The following XRCC4 variants were observed in gnomAD, a reference collection of about 807,000 sequenced individuals.
XRCC4 encodes DNA repair protein XRCC4.
Under a neutral mutation model 39.1 loss-of-function variants are expected in XRCC4, and 28 were observed. That is an observed-to-expected ratio of 0.72 (90% CI 0.53 to 0.98). The LOEUF is 0.98. XRCC4 is among the 50% of genes least tolerant of loss of function. XRCC4 has a pLI of 0.00. For missense variants in XRCC4, 350 were observed against 376.4 expected (o/e 0.93, Z 0.58); for synonymous variants, 123 against 126.4 (o/e 0.97, Z 0.18).
At chr5:83,339,219 G>C (rs1756683324) in intron 7 of XRCC4, among the ~76,000 whole-genome samples, 1 of 152,120 alleles carries the variant, frequency 6.6e-6, no homozygotes, top group Admixed American at 6.6e-5. Flanking sequence ...GAATTTTATA[G>C]ATTATTTCCA....
At chr5:83,254,154 C>CAA (rs796369177) in intron 6 of XRCC4, among the ~76,000 whole-genome samples, 1 of 137,098 alleles carries the variant, frequency 7.3e-6, no homozygotes, top group African/African-American at 2.7e-5. Context: ...GTTGTCGTGA[C>CAA]AAAAAAAAAT....
chr5:83,117,192 T>C (rs1260798592), intron 3 of XRCC4, among the ~76,000 whole-genome samples: 2 of 152,194 alleles, frequency 1.3e-5, no homozygotes, highest in Non-Finnish European at 2.9e-5. Context: ...CATGTGACCC[T>C]TCCTGCCTTA....
At chr5:83,186,766 T>A (rs1364705197) in intron 3 of XRCC4, among the ~76,000 whole-genome samples, 1 of 152,132 alleles carries the variant, frequency 6.6e-6, no homozygotes, top group Non-Finnish European at 1.5e-5. Context: ...TTACCAAACT[T>A]AACATAAATA....
At chr5:83,155,935 A>G (rs1237541060) in intron 3 of XRCC4, among the ~76,000 whole-genome samples, 2 of 152,038 alleles carry the variant, frequency 1.3e-5, no homozygotes, top group Admixed American at 6.5e-5. Context: ...GTCTTTTTAC[A>G]TGTTGATTTG....
rs1752960447 is a variant in XRCC4 at position 83,242,719 on chromosome 5, C to T, written c.746-15811C>T. Among the ~76,000 whole-genome samples, 5 of 152,140 alleles carry T rather than the reference C, an allele frequency of 3.3e-5. No individual in the cohort carries two copies. The South Asian group carries it at 1.0e-3, about 31-fold the overall frequency. On this transcript the variant is annotated intron_variant, in intron 6 of 7. Coordinates refer to ENST00000396027, the MANE Select transcript of XRCC4 (RefSeq NM_003401.5). ...TACTTTAACCTCCCATCACCGAGGC[C>T]CTTTTTCCTGCACTTACTTCCTTAG... is the stretch of plus-strand genomic sequence containing the variant.
the XRCC4 span, among the ~76,000 whole-genome samples, chr5:83,359,806 G>A: frequency 6.6e-6 from 1 of 152,102 alleles, no homozygotes; most frequent in Non-Finnish European, 1.5e-5. Context: ...AATACTGGTA[G>A]AGACAATTAA....
At chr5:83,145,568 T>G (rs1748412919) in intron 3 of XRCC4, among the ~76,000 whole-genome samples, 2 of 152,190 alleles carry the variant, frequency 1.3e-5, no homozygotes, top group South Asian at 4.1e-4. Flanking sequence ...CAAATATACT[T>G]CATTTAGAGT....
intron 7 of XRCC4, among the ~76,000 whole-genome samples, chr5:83,303,672 G>A (rs1029430117): frequency 6.6e-6 from 1 of 152,038 alleles, no homozygotes; most frequent in East Asian, 1.9e-4. Flanking sequence ...ACTGTATAAT[G>A]TAGTAAAAAA....
chr5:83,169,808 G>T (rs1284575513), intron 3 of XRCC4, among the ~76,000 whole-genome samples: 1 of 152,110 alleles, frequency 6.6e-6, no homozygotes, highest in Non-Finnish European at 1.5e-5. Context: ...AAATAAACAG[G>T]CTGTGTGTTT....
chr5:83,301,076 A>C (rs1755267703), intron 7 of XRCC4, among the ~76,000 whole-genome samples: 1 of 152,186 alleles, frequency 6.6e-6, no homozygotes, highest in South Asian at 2.1e-4. Flanking sequence ...AATGATTTAT[A>C]ATCCTTTGGG....
intron 6 of XRCC4, among the ~76,000 whole-genome samples, chr5:83,244,039 C>A (rs1753009345): frequency 6.6e-6 from 1 of 151,880 alleles, no homozygotes; most frequent in African/African-American, 2.4e-5. Context: ...ATATAATGTG[C>A]AAAGTTAAAA....
At chr5:83,320,966 A>G (rs946105173) in intron 7 of XRCC4, among the ~76,000 whole-genome samples, 1 of 151,894 alleles carries the variant, frequency 6.6e-6, no homozygotes, top group Admixed American at 6.6e-5. Flanking sequence ...GCCCGCCAAC[A>G]TGCCTGGCTA....
chr5:83,148,643 G>A (rs113647469), intron 3 of XRCC4, among the ~76,000 whole-genome samples: 18 of 151,970 alleles, frequency 1.2e-4, no homozygotes, highest in African/African-American at 3.6e-4. Context: ...TATAAAATAC[G>A]TTTTTAAATC....
chr5:83,308,542 A>ACTT (rs905453833), intron 7 of XRCC4, among the ~76,000 whole-genome samples: 2 of 152,152 alleles, frequency 1.3e-5, no homozygotes, highest in Non-Finnish European at 2.9e-5. Context: ...TTTTCTCTAC[A>ACTT]CTTTTGTACA....
intron 3 of XRCC4, among the ~76,000 whole-genome samples, chr5:83,187,233 G>A (rs183209738): frequency 0.019 from 2,843 of 150,678 alleles, 908 homozygotes; most frequent in African/African-American, 0.066. Context: ...GTGAGCCACC[G>A]CGCCCGGCCC....
chr5:83,199,270 C>T (rs1751076716), intron 4 of XRCC4, among the ~76,000 whole-genome samples: 1 of 152,156 alleles, frequency 6.6e-6, no homozygotes, highest in African/African-American at 2.4e-5. Flanking sequence ...AAAATTCTTT[C>T]TTCCATCTAT....
At chr5:83,224,237 A>G (rs1473378249) in intron 6 of XRCC4, among the ~76,000 whole-genome samples, 2 of 151,640 alleles carry the variant, frequency 1.3e-5, no homozygotes, top group African/African-American at 4.8e-5. Flanking sequence ...ATAGCTTTCT[A>G]TAGTAGAGTG....
Position 83,267,505 on chromosome 5 carries a change from T to C in XRCC4, c.893+8828T>C, listed in dbSNP as rs566676380. Reference sequence around the variant, plus strand: ...ATATAAATGGAAATGATATGGGCAATTTGGGGATCTTGCCCATAAAACGAT... The same window carrying C: ...ATATAAATGGAAATGATATGGGCAACTTGGGGATCTTGCCCATAAAACGAT... On this transcript the variant is annotated intron_variant, in intron 7 of 7. Coordinates refer to ENST00000396027, the MANE Select transcript of XRCC4 (RefSeq NM_003401.5). Among the ~76,000 whole-genome samples, 55 of 152,264 alleles carry C rather than the reference T, an allele frequency of 3.6e-4. 1 individual carries two copies. The highest frequency in any genetic ancestry group is 1.3e-3 in the African/African-American group (54 of 41,538).
chr5:83,159,915 C>T (rs2112580043), intron 3 of XRCC4, among the ~76,000 whole-genome samples: 1 of 152,120 alleles, frequency 6.6e-6, no homozygotes, highest in South Asian at 2.1e-4. Flanking sequence ...CTATATTGCA[C>T]TGTGAATATT....
Sources: allele counts gnomAD v4.1 joint callset (sites outside exome capture counted in the v4.1 genomes callset), GRCh38; gene constraint gnomAD v4.1.1; transcripts MANE v1.5; gene names NCBI Gene and HGNC (gene_info 2026-07-23, HGNC 2026-07-21).